The following A1CF variants were observed in gnomAD, a reference collection of about 807,000 sequenced individuals.
A1CF encodes the protein APOBEC-1 stimulating protein.
A1CF carries 48 observed loss-of-function variants against 68.9 expected under a neutral mutation model. The observed-to-expected ratio is 0.70, with a 90% CI of 0.55 to 0.89. The LOEUF (loss-of-function observed/expected upper bound fraction) is 0.89. Among genes scored for constraint, A1CF ranks in the 40% least tolerant of loss-of-function variants. A1CF has a pLI of 0.00. For synonymous variants in A1CF, 272 were observed against 260.4 expected (o/e 1.04, Z -0.43); for missense variants, 653 against 718.9 (o/e 0.91, Z 1.05).
intron 5 of A1CF, among the ~76,000 whole-genome samples, chr10:50,837,567 T>A (rs143297576): frequency 1.9e-3 from 284 of 152,310 alleles, no homozygotes; most frequent in African/African-American, 6.5e-3. Flanking sequence ...AAAGAACTGG[T>A]TTAATGTCTC....
chr10:50,828,204 G>A lies in A1CF; in HGVS notation c.696C>T (p.Ile232=), dbSNP rs143315865. Residue 232 remains isoleucine (I), a synonymous_variant, in exon 7 of 13, where the codon ATC becomes ATT. Transcript: ENST00000373997. ...ACAGCATAAGATTTCTTACATATAG[G>A]ATTTTCACTGAAGACATTGTATCTT... ...VDEDTMSSVK[I]LYVRNLMLST... The A allele has an allele frequency of 1.3e-3, 2,019 of 1,609,096 alleles. 4 individuals carry two copies. Among genetic ancestry groups the A allele is most frequent in the Non-Finnish European group, 1.6e-3 (1,880 of 1,176,588 alleles).
chr10:50,839,742 C>T (rs192067109), intron 5 of A1CF, among the ~76,000 whole-genome samples: 1 of 152,124 alleles, frequency 6.6e-6, no homozygotes, highest in East Asian at 1.9e-4. Flanking sequence ...GTGGCTAAGG[C>T]GTTGTTTGTT....
rs1284061655 is a variant in A1CF at position 50,806,709 on chromosome 10, T to A, written c.*20A>T. On this transcript the variant is annotated 3_prime_UTR_variant, in exon 13 of 13. Transcript: ENST00000373997. ...TAATAGAGTTTTGTGTGTCTTATTC[T>A]TAAATTTAAAAAAGCATCTTCAGAA... 1.3e-6 allele frequency: 2 copies of A among 1,570,136 alleles called. No homozygotes were observed. The highest frequency in any genetic ancestry group is 2.0e-5 in the Admixed American group (1 of 49,180).
chr10:50,828,401 A>G (rs1839074227), intron 6 of A1CF, 106 bp from the exon 7 acceptor site: 10 of 842,338 alleles, frequency 1.2e-5, no homozygotes, highest in Non-Finnish European at 1.6e-5. Flanking sequence ...TGAGGTCTTG[A>G]ATGAGCAAGA....
intron 1 of A1CF, among the ~76,000 whole-genome samples, chr10:50,870,622 T>C (rs1378561224): frequency 1.3e-5 from 2 of 151,882 alleles, no homozygotes; most frequent in Non-Finnish European, 3.0e-5. Context: ...ATAATCTATA[T>C]TGAAAACATT....
chr10:50,866,205 A>T (rs917191519), intron 1 of A1CF, among the ~76,000 whole-genome samples: 6 of 152,248 alleles, frequency 3.9e-5, no homozygotes, highest in African/African-American at 1.4e-4. Flanking sequence ...ATATGTCATC[A>T]TACTTGTGAG....
In A1CF at chr10:50,813,870, T is replaced by C. The variant is rs1345053410; in HGVS notation, c.1310A>G (p.Lys437Arg). The C allele has an allele frequency of 1.2e-6, 2 of 1,613,730 alleles. No homozygotes were observed. The highest frequency in any genetic ancestry group is 1.7e-6 in the Non-Finnish European group (2 of 1,179,756). ...AACATTACCTACCTGGGGAGCGAGTTTAATTCCTTGGGGTTTTAATGTGAC... is the reference window on the plus strand; with the variant it reads ...AACATTACCTACCTGGGGAGCGAGTCTAATTCCTTGGGGTTTTAATGTGAC... The part of the protein sequence containing the change: ...NPVTLKPQGI[K>R]LAPQILEEIC... Residue 437 changes from lysine to arginine, a missense_variant, in exon 10 of 13, where the codon AAA (lysine) becomes AGA (arginine). Coordinates refer to ENST00000373997, the MANE Select transcript of A1CF (RefSeq NM_014576.4).
At chr10:50,828,325 T>G in intron 6 of A1CF, 30 bp from the exon 7 acceptor site, 3 of 1,485,076 alleles carry the variant, frequency 2.0e-6, no homozygotes, top group Non-Finnish European at 2.7e-6. Context: ...TTATGATTAA[T>G]TATGTAGGAA....
In A1CF at chr10:50,802,510, G is replaced by A. The variant is rs1162228464; in HGVS notation, c.*4219C>T. On this transcript the variant is annotated 3_prime_UTR_variant, in exon 13 of 13. Transcript: ENST00000373997. ...TTTAACAGATGTATTTACAATATAT[G>A]AAAGTGTATCTACAATACATAAAAA... The A allele has an allele frequency of 6.6e-6, 1 of 152,130 alleles. No individual in the cohort carries two copies. Among genetic ancestry groups the A allele is most frequent in the African/African-American group, 2.4e-5 (1 of 41,426 alleles). 9.4% of individuals were successfully genotyped at this position (152,130 alleles called of 1,614,324 possible). A position where few individuals can be genotyped will look rare whatever the true frequency, so the allele number is the denominator to read the frequency against.
intron 7 of A1CF, among the ~76,000 whole-genome samples, chr10:50,825,176 T>C (rs1172301338): frequency 6.6e-6 from 1 of 152,142 alleles, no homozygotes; most frequent in African/African-American, 2.4e-5. Context: ...AAACAGACGA[T>C]GTGAGTATGT....
At chr10:50,857,236 C>T (rs145116586) in intron 3 of A1CF, among the ~76,000 whole-genome samples, 4 of 152,166 alleles carry the variant, frequency 2.6e-5, no homozygotes, top group Non-Finnish European at 5.9e-5. Context: ...TTTTAATACA[C>T]GCGTACAATA....
intron 5 of A1CF, among the ~76,000 whole-genome samples, chr10:50,838,239 T>A (rs1189191738): frequency 6.6e-6 from 1 of 152,188 alleles, no homozygotes; most frequent in Non-Finnish European, 1.5e-5. Flanking sequence ...CTGTCCTAGC[T>A]GTCTCCTACG....
rs1036028922 is a variant in A1CF at position 50,871,826 on chromosome 10, ATATAG to A, written c.-93-7751_-93-7747del. 7.9e-5 allele frequency among the ~76,000 whole-genome samples: 12 copies of A among 152,226 alleles called. No homozygotes were observed. In the South Asian group the frequency reaches 1.5e-3, roughly 18 times the overall value. The stretch of plus-strand genomic sequence containing the variant: ...AACATTGTGTAACTTCCAGAAGTAA[ATATAG>A]TAGAGTGTTTTTATAATCTCATGGT... On this transcript the variant is annotated intron_variant, in intron 1 of 12. Transcript: ENST00000373997.
At chr10:50,838,058 T>C (rs1839595420) in intron 5 of A1CF, among the ~76,000 whole-genome samples, 1 of 152,246 alleles carries the variant, frequency 6.6e-6, no homozygotes, top group Admixed American at 6.5e-5. Context: ...TTAGGCTATA[T>C]GACTTTTGTA....
At chr10:50,883,035 C>T (rs562133276) in intron 1 of A1CF, among the ~76,000 whole-genome samples, 2 of 152,056 alleles carry the variant, frequency 1.3e-5, no homozygotes, top group Non-Finnish European at 2.9e-5. Flanking sequence ...TGCTTTAATA[C>T]TAAAAAAATT....
intron 5 of A1CF, among the ~76,000 whole-genome samples, chr10:50,838,468 G>T (rs998519441): frequency 1.3e-5 from 2 of 151,910 alleles, no homozygotes; most frequent in African/African-American, 4.8e-5. Flanking sequence ...ATAGTTAGGG[G>T]GCTGGTCATA....
At chr10:50,877,779 A>G (rs1012527729) in intron 1 of A1CF, among the ~76,000 whole-genome samples, 3 of 152,148 alleles carry the variant, frequency 2.0e-5, no homozygotes, top group African/African-American at 7.2e-5. Flanking sequence ...ATCATTCTCT[A>G]CTAATTTAGA....
chr10:50,867,763 A>G (rs1164974264), intron 1 of A1CF, among the ~76,000 whole-genome samples: 1 of 152,194 alleles, frequency 6.6e-6, no homozygotes, highest in Non-Finnish European at 1.5e-5. Context: ...TAAAGTTAGA[A>G]GATTTCTTGG....
chr10:50,857,743 T>G (rs1317725901), intron 3 of A1CF, among the ~76,000 whole-genome samples: 1 of 152,200 alleles, frequency 6.6e-6, no homozygotes, highest in Non-Finnish European at 1.5e-5. Flanking sequence ...GCTTTGTTGT[T>G]GGCAAGGAGA....
Sources: allele counts gnomAD v4.1 joint callset (sites outside exome capture counted in the v4.1 genomes callset), GRCh38; gene constraint gnomAD v4.1.1; transcripts MANE v1.5; gene names NCBI Gene and HGNC (gene_info 2026-07-23, HGNC 2026-07-21).